The following CDH13 variants were observed in gnomAD, a reference collection of about 807,000 sequenced individuals.
The protein encoded by CDH13 is cadherin 13, also known as cadherin-13.
Under a neutral mutation model 63.8 loss-of-function variants are expected in CDH13, and 24 were observed. That is an observed-to-expected ratio of 0.38 (90% CI 0.27 to 0.53). The LOEUF is 0.53. Ranked by LOEUF, CDH13 falls within the 20% of genes least tolerant of loss-of-function variation. The pLI is 0.85. For synonymous variants in CDH13, 503 were observed against 355.3 expected, an observed-to-expected ratio of 1.42 and a Z score of -4.67; for missense variants, 1,049 against 903.1, an observed-to-expected ratio of 1.16 and a Z score of -2.07.
Position 83,280,186 on chromosome 16 carries a change from A to T in CDH13, c.636+62689A>T, listed in dbSNP as rs527860853. Among the ~76,000 whole-genome samples, 5 of 152,240 alleles carry T rather than the reference A, an allele frequency of 3.3e-5. No individual in the cohort carries two copies. In the South Asian group the frequency reaches 1.0e-3, roughly 32 times the overall value. ...ATGTGATGCTATTTGATAGCATTTT[A>T]CCTACTGCAGAACTTGTTCCAAAAT... On this transcript the variant is annotated intron_variant, in intron 5 of 13. Coordinates refer to ENST00000567109, the MANE Select transcript of CDH13 (RefSeq NM_001257.5).
chr16:83,523,546 ACT>A (rs1219898997), intron 7 of CDH13, among the ~76,000 whole-genome samples: 4 of 152,050 alleles, frequency 2.6e-5, no homozygotes, highest in Non-Finnish European at 5.9e-5. Flanking sequence ...CCACACCAGG[ACT>A]CTCTGCCACG....
intron 6 of CDH13, among the ~76,000 whole-genome samples, chr16:83,478,041 C>T (rs1304409854): frequency 1.3e-5 from 2 of 151,700 alleles, no homozygotes; most frequent in Non-Finnish European, 2.9e-5. Context: ...ATTAGCCAGG[C>T]TTGGTGGTCC....
chr16:83,547,743 T>C (rs1477233988), intron 7 of CDH13, among the ~76,000 whole-genome samples: 1 of 152,202 alleles, frequency 6.6e-6, no homozygotes, highest in Non-Finnish European at 1.5e-5. Flanking sequence ...CTATAGTGAA[T>C]AGTGCTGCAG....
chr16:82,664,777 G>T (rs753545733), intron 1 of CDH13, among the ~76,000 whole-genome samples: 9 of 152,144 alleles, frequency 5.9e-5, no homozygotes, highest in Non-Finnish European at 1.2e-4. Context: ...GGCAGTTTTT[G>T]ATATGAAACA....
intron 4 of CDH13, among the ~76,000 whole-genome samples, chr16:83,210,944 T>C (rs1329287848): frequency 1.3e-5 from 2 of 151,378 alleles, no homozygotes; most frequent in African/African-American, 2.4e-5. Flanking sequence ...GGTCAGGAGA[T>C]TGAGACCATC....
chr16:83,524,734 G>A (rs1430157356), intron 7 of CDH13, among the ~76,000 whole-genome samples: 1 of 152,094 alleles, frequency 6.6e-6, no homozygotes, highest in East Asian at 1.9e-4. Flanking sequence ...TTACAGGTGT[G>A]AGCCACCTCG....
At chr16:83,735,329 G>A (rs564959163) in intron 10 of CDH13, 1 of 152,180 alleles carries the variant, frequency 6.6e-6, no homozygotes, top group African/African-American at 2.4e-5. Flanking sequence ...CGAAGCAGTT[G>A]TAAATCCACT....
At chr16:82,809,855 G>A (rs2037353418) in intron 1 of CDH13, among the ~76,000 whole-genome samples, 1 of 152,084 alleles carries the variant, frequency 6.6e-6, no homozygotes, top group Admixed American at 6.6e-5. Context: ...AAAAGAAGTG[G>A]ATTAGAACAA....
intron 7 of CDH13, among the ~76,000 whole-genome samples, chr16:83,566,836 C>G (rs1050333314): frequency 6.6e-6 from 1 of 152,122 alleles, no homozygotes; most frequent in Non-Finnish European, 1.5e-5. Context: ...AGGGAACTGT[C>G]AGCTCCTAAG....
At chr16:83,634,881 T>A (rs4386123) in intron 8 of CDH13, among the ~76,000 whole-genome samples, 148,915 of 152,312 alleles carry the variant, frequency 0.98, 72,894 homozygotes, top group East Asian at 1. Context: ...GCTACTGCAG[T>A]TAGAGCCACC....
chr16:83,377,618 G>C (rs374956552), intron 6 of CDH13, among the ~76,000 whole-genome samples: 1 of 152,176 alleles, frequency 6.6e-6, no homozygotes, highest in Admixed American at 6.5e-5. Context: ...TAAAAATAAA[G>C]CAAAAGTCAT....
chr16:83,449,772 TC>T (rs2072830718), intron 6 of CDH13, among the ~76,000 whole-genome samples: 1 of 152,170 alleles, frequency 6.6e-6, no homozygotes, highest in South Asian at 2.1e-4. Context: ...CACTGCACCT[TC>T]GTTTTGTAAA....
chr16:82,818,160 CA>C (rs2037818389), intron 1 of CDH13, among the ~76,000 whole-genome samples: 1 of 148,448 alleles, frequency 6.7e-6, no homozygotes. Context: ...CTAATTACTC[CA>C]GGAGATTTAC....
chr16:82,728,856 A>C (rs1219034797), intron 1 of CDH13, among the ~76,000 whole-genome samples: 1 of 152,204 alleles, frequency 6.6e-6, no homozygotes, highest in East Asian at 1.9e-4. Flanking sequence ...TACCCTCTCA[A>C]GCCCTGCTAC....
chr16:83,568,892 G>A (rs565127839), intron 7 of CDH13, among the ~76,000 whole-genome samples: 1 of 152,200 alleles, frequency 6.6e-6, no homozygotes, highest in African/African-American at 2.4e-5. Context: ...GACCATTGCA[G>A]AGTCTCAGAA....
At chr16:83,355,130 A>G (rs569426981) in intron 6 of CDH13, among the ~76,000 whole-genome samples, 93 of 152,324 alleles carry the variant, frequency 6.1e-4, no homozygotes, top group Admixed American at 6.0e-3. Context: ...GACTTGTGCT[A>G]TTCTGTGGAG....
chr16:83,477,551 C>G (rs1438327007), intron 6 of CDH13, among the ~76,000 whole-genome samples: 1 of 152,160 alleles, frequency 6.6e-6, no homozygotes, highest in Non-Finnish European at 1.5e-5. Context: ...GTCAGTGCTG[C>G]TCTCCCACAG....
At chr16:83,225,886 T>C (rs191425547) in intron 5 of CDH13, among the ~76,000 whole-genome samples, 121 of 152,304 alleles carry the variant, frequency 7.9e-4, no homozygotes, top group African/African-American at 2.4e-3. Context: ...ACCAACCAGC[T>C]AGGTGTGTGT....
intron 5 of CDH13, among the ~76,000 whole-genome samples, chr16:83,305,031 G>A (rs548230903): frequency 6.6e-6 from 1 of 152,332 alleles, no homozygotes; most frequent in Admixed American, 6.5e-5. Context: ...CACAGACCGG[G>A]AAGCTTTGCC....
Sources: gnomAD v4.1 joint callset for allele counts (sites outside exome capture counted in the v4.1 genomes callset) on GRCh38, gnomAD v4.1.1 for gene constraint, MANE v1.5 for transcripts, NCBI Gene and HGNC (gene_info 2026-07-23, HGNC 2026-07-21) for gene names.